The following ANO2 variants were observed in gnomAD, a reference collection of about 807,000 sequenced individuals.
The protein encoded by ANO2 is anoctamin 2.
A neutral mutation model predicts 124.2 loss-of-function variants in ANO2; 101 were observed. The ratio of observed to expected loss-of-function variants is 0.81; its 90% CI spans 0.69 to 0.96. ANO2 has a LOEUF of 0.96. Ranked by LOEUF, ANO2 falls within the 40% of genes least tolerant of loss-of-function variation. The pLI is 0.00. For synonymous variants in ANO2, 486 were observed against 482.5 expected, an observed-to-expected ratio of 1.01 and a Z score of -0.09; for missense variants, 1,293 against 1,274.5, an observed-to-expected ratio of 1.01 and a Z score of -0.22.
chr12:5,861,792 G>T (rs1437063363), intron 3 of ANO2, among the ~76,000 whole-genome samples: 1 of 152,170 alleles, frequency 6.6e-6, no homozygotes, highest in African/African-American at 2.4e-5. Context: ...CACCACACCT[G>T]CTGGGAGCCC....
At chr12:5,662,733 C>G (rs1434943003) in intron 14 of ANO2, among the ~76,000 whole-genome samples, 4 of 152,220 alleles carry the variant, frequency 2.6e-5, no homozygotes, top group Admixed American at 1.3e-4. Context: ...TAACACTGAA[C>G]TCCCCTAGCA....
chr12:5,640,532 GA>G (rs1016712421), intron 15 of ANO2, among the ~76,000 whole-genome samples: 1 of 151,856 alleles, frequency 6.6e-6, no homozygotes, highest in Non-Finnish European at 1.5e-5. Flanking sequence ...AAATTTACAA[GA>G]AAAAAACAAC....
intron 14 of ANO2, among the ~76,000 whole-genome samples, chr12:5,649,470 T>C (rs1946806667): frequency 6.6e-6 from 1 of 152,184 alleles, no homozygotes; most frequent in Admixed American, 6.5e-5. Flanking sequence ...TATGAACCTA[T>C]TTCTGATGGG....
At chr12:5,827,933 C>A (rs1954029312) in intron 6 of ANO2, 113 bp from the exon 7 acceptor site, 1 of 1,186,672 alleles carries the variant, frequency 8.4e-7, no homozygotes, top group South Asian at 1.5e-5. Context: ...TCATTTGGAG[C>A]CAGGACGAAG....
chr12:5,751,888 T>G (rs1951451848), intron 10 of ANO2, among the ~76,000 whole-genome samples: 1 of 150,978 alleles, frequency 6.6e-6, no homozygotes, highest in African/African-American at 2.5e-5. Context: ...CATTTTCCCC[T>G]CTCTGCAGCC....
intron 5 of ANO2, among the ~76,000 whole-genome samples, chr12:5,831,066 T>A (rs1373738851): frequency 6.6e-6 from 1 of 152,216 alleles, no homozygotes; most frequent in Non-Finnish European, 1.5e-5. Context: ...TGGGTCTGTT[T>A]TTAACTTCAT....
intron 10 of ANO2, among the ~76,000 whole-genome samples, chr12:5,795,439 T>A (rs945272799): frequency 3.9e-5 from 6 of 152,120 alleles, no homozygotes; most frequent in Non-Finnish European, 7.4e-5. Context: ...GTAGGGACCA[T>A]TACCCCTCTT....
intron 10 of ANO2, among the ~76,000 whole-genome samples, chr12:5,762,417 C>T (rs1951767868): frequency 6.6e-6 from 1 of 151,926 alleles, no homozygotes; most frequent in African/African-American, 2.4e-5. Flanking sequence ...CTATTTACCT[C>T]TTAGGTTTTC....
chr12:5,723,635 G>A (rs1418671922), intron 14 of ANO2, among the ~76,000 whole-genome samples: 3 of 150,990 alleles, frequency 2.0e-5, no homozygotes, highest in Non-Finnish European at 2.9e-5. Context: ...GGGCGGGGGC[G>A]CGGGTAGAGA....
intron 4 of ANO2, 120 bp from the exon 5 acceptor site, chr12:5,832,723 G>A: frequency 8.5e-7 from 1 of 1,178,396 alleles, no homozygotes; most frequent in Non-Finnish European, 1.2e-6. Context: ...GAGAGGAAGA[G>A]ACTGGGAGAA....
intron 3 of ANO2, among the ~76,000 whole-genome samples, chr12:5,885,824 C>A (rs531127009): frequency 1.3e-5 from 2 of 152,266 alleles, no homozygotes; most frequent in African/African-American, 2.4e-5. Flanking sequence ...AGACCCTGAC[C>A]ATGAATCAAC....
chr12:5,760,659 C>T (rs1951712895), intron 10 of ANO2, among the ~76,000 whole-genome samples: 1 of 152,076 alleles, frequency 6.6e-6, no homozygotes, highest in African/African-American at 2.4e-5. Flanking sequence ...TACTTCTAAC[C>T]TCCCTTTATC....
At chr12:5,789,973 G>A (rs1048124513) in intron 10 of ANO2, among the ~76,000 whole-genome samples, 5 of 152,158 alleles carry the variant, frequency 3.3e-5, no homozygotes, top group Non-Finnish European at 7.3e-5. Flanking sequence ...GGGTTCCAGG[G>A]ACACGTGGTC....
intron 3 of ANO2, among the ~76,000 whole-genome samples, chr12:5,897,446 T>A (rs537472039): frequency 6.6e-6 from 1 of 151,992 alleles, no homozygotes; most frequent in Non-Finnish European, 1.5e-5. Flanking sequence ...GTAGGCTGAG[T>A]GACAGGTAAA....
rs1565784459 is a variant in ANO2, at chr12:5,923,248, A to ACACACACACGCG, written c.23-445_23-444insCGCGTGTGTGTG. 8.1e-5 allele frequency among the ~76,000 whole-genome samples: 6 copies of ACACACACACGCG among 74,494 alleles called. 1 individual carries two copies. Among genetic ancestry groups the ACACACACACGCG allele is most frequent in the African/African-American group, 3.5e-4 (6 of 17,088 alleles). 48.9% of individuals were successfully genotyped at this position (74,494 alleles called of 152,430 possible). On this transcript the variant is annotated intron_variant, in intron 1 of 24. Coordinates refer to ENST00000682330, the MANE Select transcript of ANO2 (RefSeq NM_001364791.2). ...CACATGCACACATACACACACGCAT[A>ACACACACACGCG]CACACACATACACACACACACACAC...
At chr12:5,799,679 G>A in intron 9 of ANO2, 108 bp from the exon 10 acceptor site, 1 of 1,007,482 alleles carries the variant, frequency 9.9e-7, no homozygotes, top group South Asian at 1.4e-5. Context: ...CAGCTTCTAA[G>A]AAATTCTCAT....
chr12:5,720,251 C>G (rs1323796027), intron 14 of ANO2, among the ~76,000 whole-genome samples: 1 of 152,120 alleles, frequency 6.6e-6, no homozygotes, highest in Non-Finnish European at 1.5e-5. Context: ...AAGGGCAATC[C>G]CGTCAGTTTT....
chr12:5,913,387 A>G (rs934604385), intron 3 of ANO2, among the ~76,000 whole-genome samples: 7 of 152,378 alleles, frequency 4.6e-5, no homozygotes, highest in East Asian at 3.9e-4. Flanking sequence ...CAGAGGCCAC[A>G]GAGCAGCCTC....
intron 3 of ANO2, among the ~76,000 whole-genome samples, chr12:5,912,140 G>A (rs1056710362): frequency 3.3e-5 from 5 of 152,142 alleles, no homozygotes; most frequent in African/African-American, 1.2e-4. Context: ...AGACATAAAG[G>A]ACTTGGTAAA....
Sources: gnomAD v4.1 joint callset for allele counts (sites outside exome capture counted in the v4.1 genomes callset) on GRCh38, gnomAD v4.1.1 for gene constraint, MANE v1.5 for transcripts, NCBI Gene and HGNC (gene_info 2026-07-23, HGNC 2026-07-21) for gene names.